Variants in ADGRL3 observed in about 807,000 individuals in gnomAD.
ADGRL3 encodes adhesion G protein-coupled receptor L3.
A neutral mutation model predicts 153.5 loss-of-function variants in ADGRL3; 62 were observed. That is an observed-to-expected ratio of 0.40 (90% CI 0.33 to 0.50). ADGRL3 has a LOEUF of 0.50. ADGRL3 is among the 20% of genes least tolerant of loss of function. The pLI is 0.47. For missense variants in ADGRL3, 1,641 were observed against 1,859.4 expected (o/e 0.88, Z 2.16); for synonymous variants, 710 against 672.5 (o/e 1.06, Z -0.86).
intron 1 of ADGRL3, among the ~76,000 whole-genome samples, chr4:61,277,230 T>C (rs1035655461): frequency 2.6e-5 from 4 of 152,086 alleles, no homozygotes; most frequent in African/African-American, 9.7e-5. Context: ...GAGCCTCAAG[T>C]TCTACATTTT....
chr4:61,475,904 T>C (rs909105777), intron 2 of ADGRL3, among the ~76,000 whole-genome samples: 1 of 152,184 alleles, frequency 6.6e-6, no homozygotes, highest in Non-Finnish European at 1.5e-5. Flanking sequence ...TTCAAACATC[T>C]ACAATCTTAT....
chr4:62,053,019 G>A (rs1002451583), intron 25 of ADGRL3, among the ~76,000 whole-genome samples: 4 of 151,504 alleles, frequency 2.6e-5, no homozygotes, highest in African/African-American at 9.6e-5. Flanking sequence ...CTTGAACTGT[G>A]TCTCTCATCT....
chr4:61,832,806 CTTTTTCT>C (rs1470922558), intron 9 of ADGRL3, among the ~76,000 whole-genome samples: 1 of 139,040 alleles, frequency 7.2e-6, no homozygotes, highest in African/African-American at 2.8e-5. Flanking sequence ...TCTCTGTTTT[CTTTTTCT>C]TTTTTTTTTT....
At chr4:61,719,987 G>A (rs2096207431) in intron 6 of ADGRL3, among the ~76,000 whole-genome samples, 1 of 151,922 alleles carries the variant, frequency 6.6e-6, no homozygotes, top group Non-Finnish European at 1.5e-5. Context: ...TCTGGAATGT[G>A]ATACTGCCTT....
At chr4:61,631,166 G>A (rs963881450) in intron 5 of ADGRL3, among the ~76,000 whole-genome samples, 5 of 151,918 alleles carry the variant, frequency 3.3e-5, no homozygotes, top group African/African-American at 1.2e-4. Context: ...TAATGAATTT[G>A]CACCTTTCTC....
chr4:61,327,675 G>A (rs2095492946), intron 1 of ADGRL3, among the ~76,000 whole-genome samples: 1 of 151,956 alleles, frequency 6.6e-6, no homozygotes, highest in Non-Finnish European at 1.5e-5. Flanking sequence ...AATAAGAGGT[G>A]AAATGAATGG....
chr4:61,242,914 C>A (rs952202121), intron 1 of ADGRL3, among the ~76,000 whole-genome samples: 1 of 151,904 alleles, frequency 6.6e-6, no homozygotes, highest in Non-Finnish European at 1.5e-5. Context: ...TTATGCAAGG[C>A]GCTTTTTAGC....
chr4:61,292,157 T>C (rs184038590), intron 1 of ADGRL3, among the ~76,000 whole-genome samples: 41 of 152,038 alleles, frequency 2.7e-4, no homozygotes, highest in Admixed American at 6.6e-5. Context: ...CCTCAATAAA[T>C]AGAGCAGGTG....
At chr4:61,806,242 A>G (rs544156586) in intron 8 of ADGRL3, among the ~76,000 whole-genome samples, 3 of 152,250 alleles carry the variant, frequency 2.0e-5, no homozygotes, top group Admixed American at 1.3e-4. Context: ...TACTATTCCA[A>G]TAAAGGCAGG....
rs374800233 is a variant in ADGRL3 at position 61,521,883 on chromosome 4, C to A, written c.259+4365C>A. Among the ~76,000 whole-genome samples, 22 of 151,656 alleles carry A rather than the reference C, an allele frequency of 1.5e-4. 1 individual carries two copies. The highest frequency in any genetic ancestry group is 5.3e-4 in the African/African-American group (22 of 41,350). On this transcript the variant is annotated intron_variant, in intron 4 of 26. Transcript: ENST00000683033. ...AATTTAAGGACACATAACTTAAATA[C>A]AATATACAAATCTGAAAAAAAAACT...
chr4:61,861,549 T>G (rs2098340368), intron 9 of ADGRL3, among the ~76,000 whole-genome samples: 1 of 152,062 alleles, frequency 6.6e-6, no homozygotes, highest in Admixed American at 6.6e-5. Context: ...TGTGATTATC[T>G]GTTGGTGCAC....
intron 3 of ADGRL3, among the ~76,000 whole-genome samples, chr4:61,514,990 T>C (rs2098484246): frequency 6.6e-6 from 1 of 152,188 alleles, no homozygotes; most frequent in Admixed American, 6.5e-5. Flanking sequence ...TTTCTAGAAA[T>C]ATTTGATCTC....
chr4:61,438,794 G>C (rs971252163), intron 2 of ADGRL3, among the ~76,000 whole-genome samples: 1 of 148,406 alleles, frequency 6.7e-6, no homozygotes. Flanking sequence ...TGCAAGCTCC[G>C]CCTCCCGGGT....
chr4:61,357,642 A>G (rs1053165028), intron 1 of ADGRL3, among the ~76,000 whole-genome samples: 1 of 152,166 alleles, frequency 6.6e-6, no homozygotes, highest in African/African-American at 2.4e-5. Context: ...GCATCAAGTC[A>G]ATTTTTGTAG....
chr4:61,386,496 A>G (rs2096737727), intron 2 of ADGRL3, among the ~76,000 whole-genome samples: 1 of 152,120 alleles, frequency 6.6e-6, no homozygotes, highest in South Asian at 2.1e-4. Context: ...TACATGTAAA[A>G]CCTCTGGTTT....
rs775397973 is a variant in ADGRL3, at chr4:61,983,430, T to G, written c.3063T>G (p.Ala1021=). ...FAALLHFFFL[A]AFTWMFLEGV... ...CCCTGTTACATTTCTTCTTCTTGGC[T>G]GCCTTCACCTGGATGTTCCTGGAGG... is the stretch of plus-strand genomic sequence containing the variant. Residue 1021 remains alanine, a synonymous_variant, in exon 19 of 27, where the codon GCT becomes GCG. Transcript: ENST00000683033. 1.2e-6 allele frequency: 2 copies of G among 1,613,928 alleles called. No homozygotes were observed. Among genetic ancestry groups the G allele is most frequent in the East Asian group, 4.5e-5 (2 of 44,854 alleles).
At position 61,497,189 on chromosome 4, in the gene ADGRL3, A is replaced by T; in HGVS notation, c.-105A>T. The T allele has an allele frequency of 1.5e-6, 1 of 671,910 alleles. No individual in the cohort carries two copies. The highest frequency in any genetic ancestry group is 2.5e-6 in the Non-Finnish European group (1 of 398,516). The allele number at this position is 671,910 out of a possible 1,614,324, so 41.6% of individuals were successfully genotyped here. ...TTCTTTTTCTTTTTAATTTGAAGAA[A>T]AATCATCAGTCTTGGAATACAGAAG... On this transcript the variant is annotated 5_prime_UTR_variant, in exon 3 of 27. Coordinates refer to ENST00000683033, the MANE Select transcript of ADGRL3 (RefSeq NM_001387552.1).
chr4:61,242,897 AG>A (rs1480730375), intron 1 of ADGRL3, among the ~76,000 whole-genome samples: 5 of 152,252 alleles, frequency 3.3e-5, no homozygotes, highest in African/African-American at 1.2e-4. Flanking sequence ...ATTATTGAAC[AG>A]TTGTTTTATG....
Position 62,037,871 on chromosome 4 carries a change from T to C in ADGRL3, c.3717+15T>C. The C allele has an allele frequency of 6.2e-7, 1 of 1,613,510 alleles. No individual in the cohort carries two copies. The highest frequency in any genetic ancestry group is 8.5e-7 in the Non-Finnish European group (1 of 1,179,598). ...CAGGCTCACAGGTAAACAATATTTGTTCACTGAAATGAAGTAATTCTTAAC... is the reference window on the plus strand; with the variant it reads ...CAGGCTCACAGGTAAACAATATTTGCTCACTGAAATGAAGTAATTCTTAAC... On this transcript the variant is annotated intron_variant, in intron 24 of 26. Coordinates refer to ENST00000683033, the MANE Select transcript of ADGRL3 (RefSeq NM_001387552.1).
Sources: gnomAD v4.1 joint callset for allele counts (sites outside exome capture counted in the v4.1 genomes callset) on GRCh38, gnomAD v4.1.1 for gene constraint, MANE v1.5 for transcripts, NCBI Gene and HGNC (gene_info 2026-07-23, HGNC 2026-07-21) for gene names.